The following OPCML variants were observed in gnomAD, a reference collection of about 807,000 sequenced individuals.
OPCML encodes opioid binding protein/cell adhesion molecule like, also known as opioid-binding protein/cell adhesion molecule.
In OPCML, 13 loss-of-function variants were observed where a neutral mutation model predicts 37.8. The ratio of observed to expected loss-of-function variants is 0.34; its 90% confidence interval spans 0.22 to 0.55. OPCML has a LOEUF of 0.55. Ranked by LOEUF, OPCML falls within the 20% of genes least tolerant of loss-of-function variation. OPCML has a pLI of 0.91. For synonymous variants in OPCML, 176 were observed against 168.8 expected (o/e 1.04, Z -0.33); for missense variants, 341 against 435.6 (o/e 0.78, Z 1.93).
At chr11:132,888,734 T>TA (rs1180030007) in intron 2 of OPCML, among the ~76,000 whole-genome samples, 1 of 152,122 alleles carries the variant, frequency 6.6e-6, no homozygotes, top group East Asian at 1.9e-4. Flanking sequence ...TGCTGCTGTG[T>TA]AAAGGCATAA....
chr11:132,438,235 C>G (rs7946939), intron 4 of OPCML, among the ~76,000 whole-genome samples: 14,358 of 152,246 alleles, frequency 0.094, 1,933 homozygotes, highest in African/African-American at 0.3. Context: ...GCAAAGACAA[C>G]AGACCCTCTG....
chr11:132,724,517 G>T (rs1034325908), intron 2 of OPCML, among the ~76,000 whole-genome samples: 1 of 151,966 alleles, frequency 6.6e-6, no homozygotes, highest in Non-Finnish European at 1.5e-5. Flanking sequence ...TTTGGGTGGG[G>T]ACACAGCCAA....
intron 2 of OPCML, among the ~76,000 whole-genome samples, chr11:132,696,148 G>A (rs1012873075): frequency 6.6e-6 from 1 of 152,130 alleles, no homozygotes; most frequent in African/African-American, 2.4e-5. Context: ...CCCCAGTTTA[G>A]CATTTGAGAA....
chr11:132,823,680 CA>C (rs1940126677), intron 2 of OPCML, among the ~76,000 whole-genome samples: 1 of 152,122 alleles, frequency 6.6e-6, no homozygotes, highest in Non-Finnish European at 1.5e-5. Context: ...TGTTTCACAG[CA>C]AAACATAACA....
intron 4 of OPCML, among the ~76,000 whole-genome samples, chr11:132,470,210 T>C (rs79622289): frequency 0.021 from 3,258 of 152,156 alleles, 94 homozygotes; most frequent in African/African-American, 0.073. Context: ...ATGTTTGTAG[T>C]TAAGGCAGGA....
intron 2 of OPCML, among the ~76,000 whole-genome samples, chr11:132,732,636 G>T (rs1945117455): frequency 1.3e-5 from 2 of 152,168 alleles, no homozygotes; most frequent in African/African-American, 4.8e-5. Flanking sequence ...CAACCCCAGT[G>T]TGTAAGGGGA....
At chr11:132,588,291 A>G (rs2096477392) in intron 3 of OPCML, among the ~76,000 whole-genome samples, 1 of 152,180 alleles carries the variant, frequency 6.6e-6, no homozygotes, top group African/African-American at 2.4e-5. Flanking sequence ...TGAGCAGATC[A>G]TAGAAACTAG....
intron 4 of OPCML, among the ~76,000 whole-genome samples, chr11:132,458,634 T>A (rs1048861301): frequency 1.1e-4 from 16 of 152,352 alleles, no homozygotes; most frequent in Middle Eastern, 3.4e-3. Context: ...ATAATTTTTT[T>A]AAAAATAATG....
intron 2 of OPCML, among the ~76,000 whole-genome samples, chr11:132,784,525 C>T (rs1009385986): frequency 6.6e-6 from 1 of 152,102 alleles, no homozygotes; most frequent in African/African-American, 2.4e-5. Context: ...CAGCAAACTC[C>T]AAGTAAACAG....
chr11:132,498,298 A>C (rs1017382393), intron 4 of OPCML, among the ~76,000 whole-genome samples: 1 of 152,236 alleles, frequency 6.6e-6, no homozygotes, highest in Non-Finnish European at 1.5e-5. Context: ...CTACACATCA[A>C]GAACAAAGGC....
chr11:132,746,540 A>G (rs1185287568), intron 2 of OPCML, among the ~76,000 whole-genome samples: 1 of 152,036 alleles, frequency 6.6e-6, no homozygotes, highest in Non-Finnish European at 1.5e-5. Context: ...GGTCTGTCTA[A>G]TCCCACCTAT....
At chr11:132,767,056 C>T (rs1946468499) in intron 2 of OPCML, among the ~76,000 whole-genome samples, 1 of 152,124 alleles carries the variant, frequency 6.6e-6, no homozygotes, top group Admixed American at 6.5e-5. Context: ...CCCATCTCTC[C>T]ATTCCTAGAA....
rs1190287972 is a variant in OPCML, at chr11:133,212,533, A to G, written c.62-269523T>C. On this transcript the variant is annotated intron_variant, in intron 1 of 7. Transcript: ENST00000524381. This position sits in a 1 kb window ranked among gnomAD's most constrained non-coding sequence, Gnocchi z 4.9. The stretch of plus-strand genomic sequence containing the variant: ...ACGCCGACCCTCGGCACCCTATTGA[A>G]GTTGTAACCTACTCTGCTCACCCCG... Among the ~76,000 whole-genome samples, 1 of 152,086 alleles carries G rather than the reference A, an allele frequency of 6.6e-6. No individual in the cohort carries two copies. The highest frequency in any genetic ancestry group is 1.5e-5 in the Non-Finnish European group (1 of 68,022).
At chr11:132,819,529 A>G (rs1370557164) in intron 2 of OPCML, among the ~76,000 whole-genome samples, 1 of 152,236 alleles carries the variant, frequency 6.6e-6, no homozygotes, top group Non-Finnish European at 1.5e-5. Flanking sequence ...AGTTGGACAC[A>G]GAATTATCAA....
intron 2 of OPCML, among the ~76,000 whole-genome samples, chr11:132,750,716 T>C (rs1303012641): frequency 1.3e-5 from 2 of 152,068 alleles, no homozygotes; most frequent in Non-Finnish European, 2.9e-5. Context: ...TAAGAGATGA[T>C]AACCTACTGA....
chr11:133,289,324 G>A (rs1044118922), intron 1 of OPCML, among the ~76,000 whole-genome samples: 3 of 152,188 alleles, frequency 2.0e-5, no homozygotes, highest in African/African-American at 4.8e-5. Context: ...GGCCGGGCGC[G>A]GTGGCTCACG....
intron 1 of OPCML, among the ~76,000 whole-genome samples, chr11:133,157,445 A>G (rs1026270996): frequency 2.6e-5 from 4 of 152,168 alleles, no homozygotes; most frequent in African/African-American, 9.7e-5. Context: ...AGATTGTTTT[A>G]TACCCATTTT....
intron 2 of OPCML, among the ~76,000 whole-genome samples, chr11:132,813,451 C>A (rs1397041987): frequency 6.6e-6 from 1 of 152,158 alleles, no homozygotes; most frequent in East Asian, 1.9e-4. Flanking sequence ...AGCACCATAA[C>A]CGTCATTTTA....
chr11:132,881,102 C>A (rs1943207964), intron 2 of OPCML, among the ~76,000 whole-genome samples: 1 of 152,188 alleles, frequency 6.6e-6, no homozygotes, highest in African/African-American at 2.4e-5. Flanking sequence ...GCCCCAAATG[C>A]CACCATTTAT....
Sources: allele counts gnomAD v4.1 joint callset (sites outside exome capture counted in the v4.1 genomes callset), GRCh38; gene constraint gnomAD v4.1.1; non-coding constraint Gnocchi (gnomAD v3.1); transcripts MANE v1.5; gene names NCBI Gene and HGNC (gene_info 2026-07-23, HGNC 2026-07-21).